CACNA2D3: variants seen among roughly 807,000 people sequenced by gnomAD.
CACNA2D3 encodes the protein voltage-dependent calcium channel subunit alpha-2/delta-3.
A neutral mutation model predicts 160.6 loss-of-function variants in CACNA2D3; 60 were observed. That is an observed-to-expected ratio of 0.37 (90% CI 0.30 to 0.46). The LOEUF is 0.46. Among genes scored for constraint, CACNA2D3 ranks in the 20% least tolerant of loss-of-function variants. CACNA2D3 has a pLI of 1.00. For missense variants in CACNA2D3, 1,205 were observed against 1,365.0 expected (o/e 0.88, Z 1.85); for synonymous variants, 558 against 492.9 (o/e 1.13, Z -1.75).
intron 3 of CACNA2D3, among the ~76,000 whole-genome samples, chr3:54,350,967 T>G (rs4974367): frequency 0.14 from 15,921 of 112,424 alleles, 1,493 homozygotes; most frequent in Admixed American, 0.25. Context: ...ATCTTGAGTC[T>G]GTTTTTTTTT....
chr3:54,680,944 G>A (rs1197601678), intron 11 of CACNA2D3, among the ~76,000 whole-genome samples: 2 of 152,126 alleles, frequency 1.3e-5, no homozygotes. Context: ...GACAACCGAG[G>A]GGAGAGGTAG....
chr3:54,218,885 C>T (rs917952935), intron 2 of CACNA2D3, among the ~76,000 whole-genome samples: 7 of 152,168 alleles, frequency 4.6e-5, no homozygotes, highest in Admixed American at 3.9e-4. Context: ...TCATCTCCCT[C>T]TCTCTTATAA....
intron 4 of CACNA2D3, among the ~76,000 whole-genome samples, chr3:54,490,892 C>G (rs1009718161): frequency 3.3e-5 from 5 of 152,128 alleles, no homozygotes; most frequent in African/African-American, 9.7e-5. Flanking sequence ...CCATGGATTC[C>G]TGGTACTGAG....
At chr3:54,903,463 G>T (rs1227723743) in intron 27 of CACNA2D3, among the ~76,000 whole-genome samples, 1 of 152,110 alleles carries the variant, frequency 6.6e-6, no homozygotes, top group Non-Finnish European at 1.5e-5. Context: ...ATCATTGATG[G>T]GCATTTAGGT....
chr3:55,058,798 C>G (rs1470806593), intron 35 of CACNA2D3, among the ~76,000 whole-genome samples: 3 of 152,132 alleles, frequency 2.0e-5, no homozygotes, highest in Admixed American at 6.5e-5. Flanking sequence ...CATGCTCAGG[C>G]TCTGAGGCCA....
At chr3:55,067,816 A>G (rs1449487983) in intron 35 of CACNA2D3, among the ~76,000 whole-genome samples, 1 of 152,242 alleles carries the variant, frequency 6.6e-6, no homozygotes, top group Non-Finnish European at 1.5e-5. Flanking sequence ...CTTTATGTAT[A>G]AATGCCAACT....
chr3:54,840,911 A>T (rs1405631715), intron 16 of CACNA2D3, among the ~76,000 whole-genome samples: 1 of 150,170 alleles, frequency 6.7e-6, no homozygotes, highest in Non-Finnish European at 1.5e-5. Flanking sequence ...TTTAGTAGAG[A>T]TGGGGTTTCA....
chr3:54,292,010 C>T (rs955563975), intron 2 of CACNA2D3, among the ~76,000 whole-genome samples: 15 of 152,036 alleles, frequency 9.9e-5, no homozygotes, highest in Admixed American at 3.3e-4. Context: ...CAGAAACAAA[C>T]CCTCACAAAT....
chr3:54,473,360 T>G (rs375617822), intron 4 of CACNA2D3, among the ~76,000 whole-genome samples: 1 of 152,172 alleles, frequency 6.6e-6, no homozygotes, highest in East Asian at 1.9e-4. Flanking sequence ...ATCCCTTCCT[T>G]ACACCTTATA....
chr3:54,794,169 T>C (rs1021116134), intron 13 of CACNA2D3, among the ~76,000 whole-genome samples: 2 of 152,156 alleles, frequency 1.3e-5, no homozygotes, highest in Non-Finnish European at 2.9e-5. Flanking sequence ...TTCTACATCA[T>C]TTTGAATTGA....
In CACNA2D3 at chr3:54,339,877, A is replaced by T. The variant is rs74761912; in HGVS notation, c.321+19319A>T. 9.2e-5 allele frequency among the ~76,000 whole-genome samples: 14 copies of T among 152,280 alleles called. No individual in the cohort carries two copies. The East Asian group carries it at 1.7e-3, about 19-fold the overall frequency. On this transcript the variant is annotated intron_variant, in intron 3 of 37. Transcript: ENST00000474759. Reference sequence around the variant, plus strand: ...GTGGAAAGTCATAGGAGGTTTAATCATCAGACCCTAATTTTCTTGTGACTT... The same window carrying T: ...GTGGAAAGTCATAGGAGGTTTAATCTTCAGACCCTAATTTTCTTGTGACTT...
intron 2 of CACNA2D3, among the ~76,000 whole-genome samples, chr3:54,182,189 C>T (rs1401259743): frequency 1.3e-5 from 2 of 152,202 alleles, no homozygotes; most frequent in Admixed American, 6.5e-5. Context: ...CTTAGCAGTA[C>T]AGCCTTGTCC....
intron 11 of CACNA2D3, among the ~76,000 whole-genome samples, chr3:54,685,937 C>G (rs931259978): frequency 6.6e-6 from 1 of 152,196 alleles, no homozygotes; most frequent in Non-Finnish European, 1.5e-5. Context: ...AAGGACAACC[C>G]TTATGCTTCT....
chr3:54,856,058 C>T (rs927551567), intron 17 of CACNA2D3, among the ~76,000 whole-genome samples: 22 of 152,340 alleles, frequency 1.4e-4, no homozygotes, highest in Admixed American at 1.0e-3. Flanking sequence ...GACACATCTG[C>T]TCCTCTGTGC....
intron 4 of CACNA2D3, among the ~76,000 whole-genome samples, chr3:54,496,936 C>T (rs542513904): frequency 1.3e-5 from 2 of 152,184 alleles, no homozygotes; most frequent in East Asian, 1.9e-4. Context: ...ATATGTGCAG[C>T]TTTATTTCTG....
intron 11 of CACNA2D3, among the ~76,000 whole-genome samples, chr3:54,717,151 T>A (rs1701065922): frequency 6.6e-6 from 1 of 152,196 alleles, no homozygotes. Context: ...TGAGATGCTG[T>A]GTGTGCCAAG....
At chr3:54,776,987 T>G (rs1702437461) in intron 13 of CACNA2D3, among the ~76,000 whole-genome samples, 1 of 152,234 alleles carries the variant, frequency 6.6e-6, no homozygotes, top group Non-Finnish European at 1.5e-5. Context: ...CTGATTCTCA[T>G]GCTTTGACAT....
chr3:54,695,746 C>G lies in CACNA2D3; in HGVS notation c.1167+53505C>G, dbSNP rs556051460. Reference sequence around the variant, plus strand: ...GAATGACTCAAGACTTTTGCCTCCACTTTTGTTTTAAATTGAAGAGTACAT... The same window carrying G: ...GAATGACTCAAGACTTTTGCCTCCAGTTTTGTTTTAAATTGAAGAGTACAT... On this transcript the variant is annotated intron_variant, in intron 11 of 37. Transcript: ENST00000474759. Among the ~76,000 whole-genome samples, 3 of 152,308 alleles carry G rather than the reference C, an allele frequency of 2.0e-5. No homozygotes were observed. In the South Asian group the frequency reaches 6.2e-4, roughly 32 times the overall value.
intron 5 of CACNA2D3, among the ~76,000 whole-genome samples, chr3:54,528,387 A>G (rs1266412219): frequency 6.6e-6 from 1 of 152,170 alleles, no homozygotes; most frequent in African/African-American, 2.4e-5. Flanking sequence ...AGTATGTCAT[A>G]TAATGCTAAT....
Sources: gnomAD v4.1 joint callset for allele counts (sites outside exome capture counted in the v4.1 genomes callset) on GRCh38, gnomAD v4.1.1 for gene constraint, MANE v1.5 for transcripts, NCBI Gene and HGNC (gene_info 2026-07-23, HGNC 2026-07-21) for gene names.